RYR3: variants seen among roughly 807,000 people sequenced by gnomAD.
RYR3 encodes the protein ryanodine receptor 3, also known as brain ryanodine receptor-calcium release channel.
RYR3 carries 207 observed loss-of-function variants against 584.3 expected under a neutral mutation model. The ratio of observed to expected loss-of-function variants is 0.35; its 90% CI spans 0.32 to 0.40. The LOEUF is 0.40. Among genes scored for constraint, RYR3 ranks in the 10% least tolerant of loss-of-function variants. The probability of loss-of-function intolerance (pLI) is 1.00; values close to 1 mark genes in which losing one functional copy is unlikely to be tolerated. For missense variants in RYR3, 5,616 were observed against 6,089.2 expected, an observed-to-expected ratio of 0.92 and a Z score of 2.59; for synonymous variants, 2,416 against 2,248.5, an observed-to-expected ratio of 1.07 and a Z score of -2.11.
chr15:33,478,733 T>G (rs1484176225), intron 2 of RYR3, among the ~76,000 whole-genome samples: 1 of 152,228 alleles, frequency 6.6e-6, no homozygotes, highest in African/African-American at 2.4e-5. Flanking sequence ...TTGTTAGATA[T>G]ATCCGGAACC....
At chr15:33,448,960 C>T (rs751178903) in intron 1 of RYR3, among the ~76,000 whole-genome samples, 9 of 152,136 alleles carry the variant, frequency 5.9e-5, no homozygotes, top group East Asian at 3.9e-4. Context: ...GTGCCACAAA[C>T]GTCAGGTATT....
rs1450450145 is a variant in RYR3 at position 33,464,489 on chromosome 15, T to TATATAC, written c.52-8929_52-8928insTATACA. Among the ~76,000 whole-genome samples, 23 of 67,416 alleles carry TATATAC rather than the reference T, an allele frequency of 3.4e-4. 1 individual carries two copies. The highest frequency in any genetic ancestry group is 1.9e-3 in the African/African-American group (23 of 11,976). The allele number at this position is 67,416 out of a possible 152,430, so 44.2% of individuals were successfully genotyped here. A position where few individuals can be genotyped will look rare whatever the true frequency, so the allele number is the denominator to read the frequency against. On this transcript the variant is annotated intron_variant, in intron 1 of 103. Transcript: ENST00000634891. Reference sequence around the variant, plus strand: ...ATATATATATATATATATATATATATACACATATATATATACATACACATA... The same window carrying TATATAC: ...ATATATATATATATATATATATATATATATACACACATATATATATACATACACATA...
In RYR3 at chr15:33,696,411, G is replaced by T. The variant is rs1243459667; in HGVS notation, c.6054G>T (p.Leu2018=). 1 of 1,613,972 alleles carries T rather than the reference G, an allele frequency of 6.2e-7. No homozygotes were observed. The highest frequency in any genetic ancestry group is 2.2e-5 in the East Asian group (1 of 44,868). ...HTSVSDTINL[L]AALGQIRSLL... is the part of the protein sequence containing the mutation. Reference sequence around the variant, plus strand: ...CTGTAAGCGACACCATCAACCTGCTGGCTGCCCTGGGCCAAATCCGCTCCC... The same window carrying T: ...CTGTAAGCGACACCATCAACCTGCTTGCTGCCCTGGGCCAAATCCGCTCCC... Residue 2018 remains leucine, a synonymous_variant, in exon 39 of 104, where the codon CTG becomes CTT. Coordinates refer to ENST00000634891, the MANE Select transcript of RYR3 (RefSeq NM_001036.6).
chr15:33,815,531 G>A (rs2076770791), intron 74 of RYR3: 1 of 222,586 alleles, frequency 4.5e-6, no homozygotes, highest in Non-Finnish European at 8.7e-6. Flanking sequence ...TGCACCTTCA[G>A]TAGTTTTACT....
At chr15:33,639,939 A>G (rs2061703575) in intron 27 of RYR3, among the ~76,000 whole-genome samples, 1 of 152,140 alleles carries the variant, frequency 6.6e-6, no homozygotes, top group Non-Finnish European at 1.5e-5. Context: ...TCCTCTGTTT[A>G]AAGGAAAGGA....
At chr15:33,863,702 T>C (rs1422774723) in intron 102 of RYR3, among the ~76,000 whole-genome samples, 1 of 152,182 alleles carries the variant, frequency 6.6e-6, no homozygotes, top group Non-Finnish European at 1.5e-5. Flanking sequence ...TTAAATACTT[T>C]CTAACTTTTC....
chr15:33,697,757 T>C (rs754139323), intron 39 of RYR3, 125 bp from the exon 40 acceptor site: 10 of 629,232 alleles, frequency 1.6e-5, no homozygotes, highest in Non-Finnish European at 2.3e-5. Flanking sequence ...TGCTTTCTTA[T>C]TATCTTTTCA....
At chr15:33,826,125 C>CTA in intron 82 of RYR3, 127 bp from the exon 83 acceptor site, 1 of 865,750 alleles carries the variant, frequency 1.2e-6, no homozygotes, top group Non-Finnish European at 1.9e-6. Flanking sequence ...ATGCTTCCAT[C>CTA]GGTAGCTTTA....
At chr15:33,672,388 G>A (rs116358437) in intron 38 of RYR3, among the ~76,000 whole-genome samples, 392 of 152,292 alleles carry the variant, frequency 2.6e-3, no homozygotes, top group African/African-American at 8.9e-3. Flanking sequence ...ATGAGACTGC[G>A]TGTCTTCACC....
In RYR3 at chr15:33,350,008, G is replaced by A. The variant is rs557772036; in HGVS notation, c.51+38912G>A. 9.2e-5 allele frequency among the ~76,000 whole-genome samples: 14 copies of A among 151,642 alleles called. 1 individual carries two copies. In the East Asian group the frequency reaches 2.5e-3, roughly 27 times the overall value. The stretch of plus-strand genomic sequence containing the variant: ...CCAGTCTATCATTGTTGGACATTTG[G>A]GTTGGTTCCAAGTCTTTGCTATTGT... On this transcript the variant is annotated intron_variant, in intron 1 of 103. Coordinates refer to ENST00000634891, the MANE Select transcript of RYR3 (RefSeq NM_001036.6).
At chr15:33,506,017 T>G (rs1309218173) in intron 3 of RYR3, among the ~76,000 whole-genome samples, 1 of 152,228 alleles carries the variant, frequency 6.6e-6, no homozygotes, top group African/African-American at 2.4e-5. Flanking sequence ...TGTAAAAGTA[T>G]ATTTCAAAGG....
Position 33,690,500 on chromosome 15 carries a change from C to T in RYR3, c.5861-5718C>T, listed in dbSNP as rs137901062. On this transcript the variant is annotated intron_variant, in intron 38 of 103. Transcript: ENST00000634891. ...CTTCTTACATGAGATATTCTTCTTA[C>T]GTGAGATGCTCACATTTAATCTCGT... Among the ~76,000 whole-genome samples the T allele has an allele frequency of 7.8e-3, 1,195 of 152,342 alleles. 5 individuals are homozygous for T. Among genetic ancestry groups the T allele is most frequent in the Non-Finnish European group, 0.012 (791 of 68,024 alleles).
chr15:33,841,208 C>G (rs903214609), intron 90 of RYR3, among the ~76,000 whole-genome samples: 1 of 152,038 alleles, frequency 6.6e-6, no homozygotes, highest in African/African-American at 2.4e-5. Context: ...CAGAGCAAGA[C>G]CCTGTCTCAA....
At position 33,838,393 on chromosome 15, in the gene RYR3, C is replaced by T. The variant is rs373494671; in HGVS notation, c.12413C>T (p.Pro4138Leu). 20 of 1,613,854 alleles carry T rather than the reference C, an allele frequency of 1.2e-5. No homozygotes were observed. The highest frequency in any genetic ancestry group is 3.3e-5 in the Admixed American group (2 of 59,994). ...GAGGAAGAAGACGGGTCTCTTGAGC[C>T]GGCCTCTGCATTTGCTATGGCCTGT... ...GEEEEDGSLE[P>L]ASAFAMACAS... The change falls in exon 89 of 104, where the codon CCG becomes CTG. Residue 4138 changes from proline to leucine, a missense_variant. Physicochemically the swap from Pro to Leu is moderately conservative, Grantham distance 98. This residue lies in a region of RYR3 where 258 missense variants were observed against 297.3 expected (regional missense o/e 0.87). Coordinates refer to ENST00000634891, the MANE Select transcript of RYR3 (RefSeq NM_001036.6).
At chr15:33,384,036 C>T (rs1036899908) in intron 1 of RYR3, among the ~76,000 whole-genome samples, 2 of 152,154 alleles carry the variant, frequency 1.3e-5, no homozygotes, top group African/African-American at 4.8e-5. Context: ...CACATGTTGT[C>T]ACTTGTAAGT....
chr15:33,698,067 C>T lies in RYR3; in HGVS notation c.6249+71C>T, dbSNP rs367997544. 2.0e-5 allele frequency: 21 copies of T among 1,033,704 alleles called. No homozygotes were observed. In the African/African-American group the frequency reaches 2.2e-4, roughly 11 times the overall value. The allele number at this position is 1,033,704 out of a possible 1,614,324, so 64.0% of individuals were successfully genotyped here. On this transcript the variant is annotated intron_variant, in intron 40 of 103. Transcript: ENST00000634891. ...GGAGCACGAGGTGACTTGTTCAGAG[C>T]CACGTGGCTGGTGTCCCTTGCCTCA...
chr15:33,314,134 A>G (rs1967747170), intron 1 of RYR3, among the ~76,000 whole-genome samples: 1 of 152,322 alleles, frequency 6.6e-6, no homozygotes, highest in East Asian at 1.9e-4. Context: ...ACTGTACCCC[A>G]AGCCTTAAGG....
At chr15:33,452,043 C>T (rs1384287201) in intron 1 of RYR3, among the ~76,000 whole-genome samples, 2 of 152,192 alleles carry the variant, frequency 1.3e-5, no homozygotes, top group Non-Finnish European at 2.9e-5. Context: ...CTCCATGCTC[C>T]AACAACCAAA....
intron 1 of RYR3, among the ~76,000 whole-genome samples, chr15:33,313,343 G>A (rs538816243): frequency 2.6e-5 from 4 of 152,242 alleles, no homozygotes; most frequent in East Asian, 1.9e-4. Context: ...GGCATTGAGC[G>A]TTACGCCAGA....
Sources: allele counts gnomAD v4.1 joint callset (sites outside exome capture counted in the v4.1 genomes callset), GRCh38; gene constraint gnomAD v4.1.1; regional missense constraint gnomAD v4.1.1; transcripts MANE v1.5; gene names NCBI Gene and HGNC (gene_info 2026-07-23, HGNC 2026-07-21).